CDH13: variants seen among roughly 807,000 people sequenced by gnomAD.
The protein encoded by CDH13 is cadherin 13, also known as cadherin-13.
In CDH13, 24 loss-of-function variants were observed where a neutral mutation model predicts 63.8. That is an observed-to-expected ratio of 0.38 (90% CI 0.27 to 0.53). The LOEUF (loss-of-function observed/expected upper bound fraction) is 0.53. Ranked by LOEUF, CDH13 falls within the 20% of genes least tolerant of loss-of-function variation. The probability of loss-of-function intolerance (pLI) is 0.85; values close to 1 mark genes in which losing one functional copy is unlikely to be tolerated. For missense variants in CDH13, 1,049 were observed against 903.1 expected (o/e 1.16, Z -2.07); for synonymous variants, 503 against 355.3 (o/e 1.42, Z -4.67).
intron 2 of CDH13, among the ~76,000 whole-genome samples, chr16:82,944,173 C>T (rs1287161806): frequency 1.3e-5 from 2 of 152,216 alleles, no homozygotes; most frequent in African/African-American, 2.4e-5. Flanking sequence ...AGGCAAACCA[C>T]ACCTTTCTTT....
At chr16:83,360,714 G>T (rs924327338) in intron 6 of CDH13, among the ~76,000 whole-genome samples, 7 of 152,072 alleles carry the variant, frequency 4.6e-5, no homozygotes, top group African/African-American at 7.2e-5. Flanking sequence ...GCTGTTTTTG[G>T]TCTTCTGTTC....
intron 5 of CDH13, among the ~76,000 whole-genome samples, chr16:83,342,008 C>G (rs1466478589): frequency 6.6e-6 from 1 of 151,588 alleles, no homozygotes; most frequent in Non-Finnish European, 1.5e-5. Flanking sequence ...CACACACACA[C>G]ACACACACAC....
Position 82,925,844 on chromosome 16 carries a change from T to G in CDH13, c.157+67371T>G, listed in dbSNP as rs2151287562. Reference sequence around the variant, plus strand: ...GTCTCCTACCACCGAGGACTTGCCTTACTTTTTTTTTGTTGTTTTCTCCAT... The same window carrying G: ...GTCTCCTACCACCGAGGACTTGCCTGACTTTTTTTTTGTTGTTTTCTCCAT... On this transcript the variant is annotated intron_variant, in intron 2 of 13. Transcript: ENST00000567109. 2.0e-5 allele frequency: 3 copies of G among 152,284 alleles called. No individual in the cohort carries two copies. The South Asian group carries it at 6.2e-4, about 32-fold the overall frequency. 9.4% of individuals were successfully genotyped at this position (152,284 alleles called of 1,614,324 possible).
At chr16:82,891,805 A>G (rs1300311787) in intron 2 of CDH13, among the ~76,000 whole-genome samples, 2 of 152,194 alleles carry the variant, frequency 1.3e-5, no homozygotes, top group Admixed American at 1.3e-4. Context: ...ATTTTGAAAT[A>G]CCAGGCCCTT....
At chr16:83,027,644 G>T (rs1390024225) in intron 2 of CDH13, among the ~76,000 whole-genome samples, 1 of 152,180 alleles carries the variant, frequency 6.6e-6, no homozygotes, top group Non-Finnish European at 1.5e-5. Flanking sequence ...GTGGAGAAAA[G>T]CTGGTCTTAT....
chr16:83,513,237 A>G (rs193120866), intron 7 of CDH13, among the ~76,000 whole-genome samples: 162 of 152,270 alleles, frequency 1.1e-3, no homozygotes, highest in African/African-American at 3.7e-3. Context: ...ACATCTGAAT[A>G]TCTGAGTTCA....
At chr16:83,044,082 C>T (rs1254710512) in intron 3 of CDH13, among the ~76,000 whole-genome samples, 1 of 152,196 alleles carries the variant, frequency 6.6e-6, no homozygotes, top group East Asian at 1.9e-4. Flanking sequence ...GTTCCTACCA[C>T]ATGTTAGAAC....
At chr16:83,742,029 G>A (rs1026765893) in intron 10 of CDH13, among the ~76,000 whole-genome samples, 10 of 152,210 alleles carry the variant, frequency 6.6e-5, no homozygotes, top group African/African-American at 2.4e-4. Flanking sequence ...GGGGACTGCT[G>A]CCCTACCTCA....
intron 6 of CDH13, among the ~76,000 whole-genome samples, chr16:83,349,263 T>C (rs2090902371): frequency 1.3e-5 from 2 of 152,130 alleles, no homozygotes; most frequent in African/African-American, 4.8e-5. Context: ...GATCTCTGTG[T>C]GAGTTTGGTG....
chr16:82,631,188 C>T (rs1394855393), intron 1 of CDH13, among the ~76,000 whole-genome samples: 2 of 152,100 alleles, frequency 1.3e-5, no homozygotes, highest in East Asian at 3.8e-4. Context: ...ACTCTGTATC[C>T]CCTCTGAGTA....
intron 5 of CDH13, among the ~76,000 whole-genome samples, chr16:83,239,202 C>T (rs1895536): frequency 0.95 from 144,195 of 152,180 alleles, 68,327 homozygotes; most frequent in East Asian, 1. Flanking sequence ...GAGAGATCAA[C>T]AGTAGTTCAG....
rs1056905997 is a variant in CDH13 at position 83,386,238 on chromosome 16, A to C, written c.781+41232A>C. On this transcript the variant is annotated intron_variant, in intron 6 of 13. Coordinates refer to ENST00000567109, the MANE Select transcript of CDH13 (RefSeq NM_001257.5). Reference sequence around the variant, plus strand: ...AACCAGCCCAGAGCCACATGGAGAAAAGATGTGTGGCCACGATCTCTTGAC... The same window carrying C: ...AACCAGCCCAGAGCCACATGGAGAACAGATGTGTGGCCACGATCTCTTGAC... Among the ~76,000 whole-genome samples, 211 of 152,316 alleles carry C rather than the reference A, an allele frequency of 1.4e-3. 2 individuals are homozygous for C. The highest frequency in any genetic ancestry group is 4.5e-3 in the African/African-American group (186 of 41,570).
intron 1 of CDH13, among the ~76,000 whole-genome samples, chr16:82,768,415 A>G (rs577824673): frequency 5.9e-5 from 9 of 152,276 alleles, no homozygotes; most frequent in Admixed American, 5.2e-4. Flanking sequence ...CCTTTGCAGA[A>G]TTTGTGTCTG....
chr16:83,104,795 A>G (rs1276313042), intron 3 of CDH13, among the ~76,000 whole-genome samples: 2 of 152,206 alleles, frequency 1.3e-5, no homozygotes, highest in African/African-American at 4.8e-5. Context: ...TAGAGTTTGC[A>G]GCCATAACAT....
chr16:83,218,912 T>G (rs1165616600), intron 5 of CDH13, among the ~76,000 whole-genome samples: 1 of 152,218 alleles, frequency 6.6e-6, no homozygotes, highest in Non-Finnish European at 1.5e-5. Context: ...GGAGTTCCCC[T>G]GCACATGCTT....
Position 83,710,811 on chromosome 16 carries a change from C to T in CDH13, c.1538+32350C>T, listed in dbSNP as rs16961397. Reference sequence around the variant, plus strand: ...AACAGGGCTGTTTATGCTTGTTATTCGGAACGGGAGAGGGCTGCAACTCGG... The same window carrying T: ...AACAGGGCTGTTTATGCTTGTTATTTGGAACGGGAGAGGGCTGCAACTCGG... On this transcript the variant is annotated intron_variant, in intron 10 of 13. Coordinates refer to ENST00000567109, the MANE Select transcript of CDH13 (RefSeq NM_001257.5). Among the ~76,000 whole-genome samples the T allele has an allele frequency of 4.5e-3, 679 of 152,214 alleles. 6 individuals are homozygous for T. Among genetic ancestry groups the T allele is most frequent in the African/African-American group, 0.013 (543 of 41,534 alleles).
At chr16:83,581,862 C>T (rs1383964638) in intron 7 of CDH13, among the ~76,000 whole-genome samples, 12 of 152,074 alleles carry the variant, frequency 7.9e-5, no homozygotes, top group Non-Finnish European at 1.8e-4. Context: ...GAGTCTCCAC[C>T]CTAGAACTTT....
chr16:82,842,412 T>G (rs1304291623), intron 1 of CDH13, among the ~76,000 whole-genome samples: 1 of 151,810 alleles, frequency 6.6e-6, no homozygotes, highest in Non-Finnish European at 1.5e-5. Context: ...TATCCTCATT[T>G]GTAGTTCTTC....
chr16:82,857,385 T>G (rs1358323380), intron 1 of CDH13, among the ~76,000 whole-genome samples: 2 of 152,214 alleles, frequency 1.3e-5, no homozygotes, highest in Non-Finnish European at 2.9e-5. Context: ...TGTCCCAGTA[T>G]GTGTGGTAGG....
Sources: allele counts gnomAD v4.1 joint callset (sites outside exome capture counted in the v4.1 genomes callset), GRCh38; gene constraint gnomAD v4.1.1; transcripts MANE v1.5; gene names NCBI Gene and HGNC (gene_info 2026-07-23, HGNC 2026-07-21).